Variants in PRKDC observed in about 807,000 individuals in gnomAD.
PRKDC encodes DNA-dependent protein kinase catalytic subunit.
Under a neutral mutation model 486.9 loss-of-function variants are expected in PRKDC, and 82 were observed. The observed-to-expected ratio is 0.17, with a 90% CI of 0.14 to 0.20. PRKDC has a LOEUF of 0.20. Among genes scored for constraint, PRKDC ranks in the 10% least tolerant of loss-of-function variants. The probability of loss-of-function intolerance (pLI) is 1.00; values close to 1 mark genes in which losing one functional copy is unlikely to be tolerated. For missense variants in PRKDC, 4,504 were observed against 5,038.2 expected (o/e 0.89, Z 3.21); for synonymous variants, 1,895 against 1,837.0 (o/e 1.03, Z -0.81).
intron 54 of PRKDC, among the ~76,000 whole-genome samples, chr8:47,847,967 CTTAAAAAG>C (rs746689579): frequency 1.6e-4 from 24 of 151,680 alleles, no homozygotes; most frequent in Non-Finnish European, 2.9e-4. Flanking sequence ...GAATGGTTTT[CTTAAAAAG>C]TTAAAAATCT....
chr8:47,778,244 C>A (rs1039657958), intron 83 of PRKDC, among the ~76,000 whole-genome samples: 1 of 152,208 alleles, frequency 6.6e-6, no homozygotes, highest in Non-Finnish European at 1.5e-5. Flanking sequence ...CATTTAATTA[C>A]CGGCTCTGAT....
chr8:47,897,681 G>A (rs2089606324), intron 29 of PRKDC, among the ~76,000 whole-genome samples: 1 of 152,144 alleles, frequency 6.6e-6, no homozygotes, highest in Non-Finnish European at 1.5e-5. Context: ...TACCCCAGGG[G>A]TACACAGAAA....
chr8:47,956,833 AGCCCAGGGT>A (rs1233096954), intron 3 of PRKDC, among the ~76,000 whole-genome samples: 1 of 151,350 alleles, frequency 6.6e-6, no homozygotes, highest in African/African-American at 2.4e-5. Context: ...GGCCCCAGGG[AGCCCAGGGT>A]GCCACTGCCA....
At chr8:47,793,465 C>A (rs2086918683) in intron 74 of PRKDC, among the ~76,000 whole-genome samples, 1 of 151,798 alleles carries the variant, frequency 6.6e-6, no homozygotes, top group Admixed American at 6.6e-5. Flanking sequence ...GGTGGCAAAA[C>A]CCTGTCGCTA....
chr8:47,958,227 G>A (rs1000531474), intron 1 of PRKDC, among the ~76,000 whole-genome samples: 3 of 152,182 alleles, frequency 2.0e-5, no homozygotes, highest in African/African-American at 7.2e-5. Flanking sequence ...AAGACCAAGG[G>A]AAGGGAGCTG....
chr8:47,794,556 A>G, intron 73 of PRKDC, 55 bp from the exon 74 acceptor site: 1 of 1,394,310 alleles, frequency 7.2e-7, no homozygotes, highest in Non-Finnish European at 9.8e-7. Context: ...ATCATCTGTT[A>G]TAAAAGTAAC....
Position 47,774,059 on chromosome 8 carries a change from A to G in PRKDC, c.*114T>C. 1 of 1,101,774 alleles carries G rather than the reference A, an allele frequency of 9.1e-7. No homozygotes were observed. Among genetic ancestry groups the G allele is most frequent in the Non-Finnish European group, 1.3e-6 (1 of 790,850 alleles). 68.2% of individuals were successfully genotyped at this position (1,101,774 alleles called of 1,614,324 possible). On this transcript the variant is annotated 3_prime_UTR_variant, in exon 86 of 86. Coordinates refer to ENST00000314191, the MANE Select transcript of PRKDC (RefSeq NM_006904.7). The stretch of plus-strand genomic sequence containing the variant: ...ACTCATGCTACGAAACTGTAGCACA[A>G]AAGACATTTCTCTTTAGTGTTTCAG...
Position 47,890,500 on chromosome 8 carries a change from A to T in PRKDC, c.3848-20T>A. 1 of 1,466,004 alleles carries T rather than the reference A, an allele frequency of 6.8e-7. No individual in the cohort carries two copies. Among genetic ancestry groups the T allele is most frequent in the Non-Finnish European group, 9.3e-7 (1 of 1,074,274 alleles). 90.8% of individuals were successfully genotyped at this position (1,466,004 alleles called of 1,614,324 possible). A position where few individuals can be genotyped will look rare whatever the true frequency, so the allele number is the denominator to read the frequency against. On this transcript the variant is annotated intron_variant, in intron 31 of 85. Transcript: ENST00000314191. ...CAGTACCTAGAAGCAATTATATTAAAGTATTAATATATGCTTCCTTTCAAC... is the reference window on the plus strand; with the variant it reads ...CAGTACCTAGAAGCAATTATATTAATGTATTAATATATGCTTCCTTTCAAC...
chr8:47,957,501 T>C (rs2090724690), intron 1 of PRKDC, 70 bp from the exon 2 acceptor site: 8 of 1,240,896 alleles, frequency 6.4e-6, no homozygotes, highest in East Asian at 2.6e-5. Flanking sequence ...CCTAAAGGGG[T>C]TGCAATGATT....
chr8:47,892,319 A>G (rs1247372967), intron 31 of PRKDC, among the ~76,000 whole-genome samples: 7 of 152,174 alleles, frequency 4.6e-5, no homozygotes, highest in Non-Finnish European at 7.3e-5. Context: ...AATAACAAAT[A>G]TAATAGTAAC....
chr8:47,955,763 T>C, intron 4 of PRKDC, 111 bp downstream of exon 4: 1 of 807,790 alleles, frequency 1.2e-6, no homozygotes, highest in Non-Finnish European at 2.0e-6. Context: ...TCAATGTGAT[T>C]AGATCCTATC....
At chr8:47,918,497 T>A in intron 21 of PRKDC, 114 bp from the exon 22 acceptor site, 1 of 636,756 alleles carries the variant, frequency 1.6e-6, no homozygotes, top group African/African-American at 1.9e-5. Flanking sequence ...TAAATTATGA[T>A]TTAAAAAAAT....
intron 49 of PRKDC, among the ~76,000 whole-genome samples, chr8:47,856,417 A>G (rs2088541331): frequency 6.6e-6 from 1 of 152,116 alleles, no homozygotes. Flanking sequence ...TTTAGTACAG[A>G]TAAGGTTTCA....
chr8:47,909,797 T>G (rs541763124), intron 25 of PRKDC, among the ~76,000 whole-genome samples: 1 of 152,298 alleles, frequency 6.6e-6, no homozygotes, highest in East Asian at 1.9e-4. Flanking sequence ...CCTTGTCTCC[T>G]GCAGTACCCT....
At position 47,886,034 on chromosome 8, in the gene PRKDC, C is replaced by T. The variant is rs2089320891; in HGVS notation, c.4686G>A (p.Leu1562=). The T allele has an allele frequency of 6.2e-7, 1 of 1,613,818 alleles. No individual in the cohort carries two copies. The change falls in exon 36 of 86, where the codon TTG becomes TTA. Residue 1562 remains leucine (L), a synonymous_variant. Transcript: ENST00000314191. ...ATTCCGTGTTGATCGTTTCTGAGAACAAGCTATAGAAATACTCCCCATGGG... is the reference window on the plus strand; with the variant it reads ...ATTCCGTGTTGATCGTTTCTGAGAATAAGCTATAGAAATACTCCCCATGGG... The part of the protein sequence containing the change: ...HFSHGEYFYS[L]FSETINTELL...
intron 52 of PRKDC, among the ~76,000 whole-genome samples, chr8:47,850,401 T>C (rs551436508): frequency 6.6e-6 from 1 of 152,324 alleles, no homozygotes; most frequent in African/African-American, 2.4e-5. Context: ...ACTGGAGCAT[T>C]TGAATTTTGA....
rs188420622 is a variant in PRKDC at position 47,895,882 on chromosome 8, C to T, written c.3598+1279G>A. Among the ~76,000 whole-genome samples the T allele has an allele frequency of 6.9e-3, 1,045 of 151,750 alleles. 9 individuals are homozygous for T. The highest frequency in any genetic ancestry group is 0.025 in the South Asian group (119 of 4,802). ...GGTGAAACCCCGTCTCTACTAAAAA[C>T]ACAAAAATTAGCCGGGCGTGGTAGC... On this transcript the variant is annotated intron_variant, in intron 30 of 85. Transcript: ENST00000314191.
In PRKDC at chr8:47,817,447, T is replaced by C. The variant is rs2087471387; in HGVS notation, c.9557+3A>G. 5.1e-6 allele frequency: 8 copies of C among 1,577,190 alleles called. No individual in the cohort carries two copies. The highest frequency in any genetic ancestry group is 6.9e-6 in the Non-Finnish European group (8 of 1,153,318). ...CATTTGACTGAAAGGGACCACGTCT[T>C]ACCGATTTGTGATGATGTCATCCCA... On this transcript the variant is annotated splice_donor_region_variant and intron_variant, in intron 68 of 85. Transcript: ENST00000314191.
At position 47,850,948 on chromosome 8, in the gene PRKDC, T is replaced by C. The variant is rs528505631; in HGVS notation, c.7006-1445A>G. Among the ~76,000 whole-genome samples, 97 of 152,334 alleles carry C rather than the reference T, an allele frequency of 6.4e-4. 1 individual carries two copies. The highest frequency in any genetic ancestry group is 1.3e-4 in the Non-Finnish European group (9 of 68,036). On this transcript the variant is annotated intron_variant, in intron 52 of 85. Transcript: ENST00000314191. ...CTTCAGCCTCCCGAGTAGCTGGGAT[T>C]ATGGGAGTGTGCCACCATGCCCAGC...
Sources: allele counts gnomAD v4.1 joint callset (sites outside exome capture counted in the v4.1 genomes callset), GRCh38; gene constraint gnomAD v4.1.1; transcripts MANE v1.5; gene names NCBI Gene and HGNC (gene_info 2026-07-23, HGNC 2026-07-21).